Variants in PTPRK observed in about 807,000 individuals in gnomAD.
The protein encoded by PTPRK is receptor-type tyrosine-protein phosphatase kappa.
A neutral mutation model predicts 178.0 loss-of-function variants in PTPRK; 75 were observed. The ratio of observed to expected loss-of-function variants is 0.42; its 90% CI spans 0.35 to 0.51. PTPRK has a LOEUF of 0.51. Among genes scored for constraint, PTPRK ranks in the 20% least tolerant of loss-of-function variants. PTPRK has a pLI of 0.02. For synonymous variants in PTPRK, 637 were observed against 620.6 expected (o/e 1.03, Z -0.39); for missense variants, 1,441 against 1,797.8 (o/e 0.80, Z 3.59).
At chr6:128,193,279 T>TAA (rs1554338433) in intron 6 of PTPRK, among the ~76,000 whole-genome samples, 239 of 19,384 alleles carry the variant, frequency 0.012, 3 homozygotes, top group African/African-American at 0.035. Context: ...ATCCAGCTTG[T>TAA]GAAAAAAAAA....
In PTPRK at chr6:128,023,552, C is replaced by T. The variant is rs546693496; in HGVS notation, c.2195-14284G>A. On this transcript the variant is annotated intron_variant, in intron 13 of 29. Transcript: ENST00000368226. ...ATTTTGGTGTGGTTTCCCAATAAAACTCTGCTGGGAAGTATTCTTTTAAAC... is the reference window on the plus strand; with the variant it reads ...ATTTTGGTGTGGTTTCCCAATAAAATTCTGCTGGGAAGTATTCTTTTAAAC... Among the ~76,000 whole-genome samples the T allele has an allele frequency of 1.2e-4, 19 of 152,298 alleles. No individual in the cohort carries two copies. In the South Asian group the frequency reaches 1.5e-3, roughly 12 times the overall value.
intron 8 of PTPRK, among the ~76,000 whole-genome samples, chr6:128,088,093 C>T (rs1178159643): frequency 6.6e-6 from 1 of 152,096 alleles, no homozygotes; most frequent in African/African-American, 2.4e-5. Flanking sequence ...AAAAATGTAG[C>T]CCCGCTGGGC....
intron 2 of PTPRK, among the ~76,000 whole-genome samples, chr6:128,362,126 G>A (rs919309030): frequency 5.9e-5 from 9 of 152,102 alleles, no homozygotes; most frequent in African/African-American, 1.9e-4. Context: ...AAGCATTACC[G>A]GAAGCATGGT....
chr6:128,320,953 T>C (rs1053713388), intron 3 of PTPRK: 3 of 152,064 alleles, frequency 2.0e-5, no homozygotes, highest in Admixed American at 6.6e-5. Context: ...TCAATAAACA[T>C]ACAACCTTGA....
At chr6:128,083,981 T>C (rs1028399425) in intron 8 of PTPRK, among the ~76,000 whole-genome samples, 157 bp from the exon 9 acceptor site, 11 of 152,152 alleles carry the variant, frequency 7.2e-5, no homozygotes, top group Non-Finnish European at 1.3e-4. Context: ...ACTAGTTCTC[T>C]GATTTTACTT....
intron 7 of PTPRK, among the ~76,000 whole-genome samples, chr6:128,159,808 G>A (rs2114599786): frequency 6.6e-6 from 1 of 151,832 alleles, no homozygotes; most frequent in East Asian, 1.9e-4. Context: ...ATAAATGTAA[G>A]CTATCAATCA....
chr6:128,130,201 C>A (rs533962025), intron 7 of PTPRK, among the ~76,000 whole-genome samples: 4 of 152,236 alleles, frequency 2.6e-5, no homozygotes, highest in South Asian at 2.1e-4. Context: ...TATAATTTTT[C>A]TATCTCACAT....
intron 2 of PTPRK, among the ~76,000 whole-genome samples, chr6:128,377,420 T>C (rs1469613698): frequency 1.3e-5 from 2 of 152,052 alleles, no homozygotes; most frequent in East Asian, 1.9e-4. Context: ...AAAGACCTAC[T>C]CCCTTGATTC....
chr6:128,503,322 T>C (rs1855837377), intron 1 of PTPRK, among the ~76,000 whole-genome samples: 1 of 152,256 alleles, frequency 6.6e-6, no homozygotes, highest in South Asian at 2.1e-4. Flanking sequence ...CAAGTACATT[T>C]TGTGCCCATT....
intron 6 of PTPRK, among the ~76,000 whole-genome samples, chr6:128,206,668 A>G (rs1807031912): frequency 6.6e-6 from 1 of 152,204 alleles, no homozygotes; most frequent in Admixed American, 6.5e-5. Context: ...GTAGCTTCAT[A>G]TAATACCATA....
intron 6 of PTPRK, among the ~76,000 whole-genome samples, chr6:128,199,477 T>C (rs947962935): frequency 2.7e-5 from 4 of 150,908 alleles, no homozygotes; most frequent in Non-Finnish European, 2.9e-5. Context: ...GTAGCACTTC[T>C]GGGGTGCTGG....
At chr6:128,075,444 C>T (rs892608197) in intron 11 of PTPRK, among the ~76,000 whole-genome samples, 2 of 152,006 alleles carry the variant, frequency 1.3e-5, no homozygotes, top group African/African-American at 2.4e-5. Context: ...ATGACCTAGG[C>T]TATCTGCAAT....
At chr6:128,270,968 A>G (rs946098362) in intron 3 of PTPRK, among the ~76,000 whole-genome samples, 1 of 152,070 alleles carries the variant, frequency 6.6e-6, no homozygotes, top group Non-Finnish European at 1.5e-5. Context: ...AAATCTTAAA[A>G]AGCTATGATT....
At chr6:128,287,064 G>T (rs1317435728) in intron 3 of PTPRK, among the ~76,000 whole-genome samples, 1 of 152,052 alleles carries the variant, frequency 6.6e-6, no homozygotes, top group Non-Finnish European at 1.5e-5. Context: ...ATCTCTGGAG[G>T]TGTTTCTTTC....
At chr6:128,219,792 T>A (rs1198619908) in intron 5 of PTPRK, among the ~76,000 whole-genome samples, 3 of 152,202 alleles carry the variant, frequency 2.0e-5, no homozygotes, top group African/African-American at 7.2e-5. Flanking sequence ...CTGTAGTATG[T>A]TTTTCCCCAC....
At chr6:128,009,020 A>G (rs1031646097) in intron 14 of PTPRK, 110 bp downstream of exon 14, 1 of 1,005,450 alleles carries the variant, frequency 9.9e-7, no homozygotes. Flanking sequence ...TTAAAATTAA[A>G]ATTTTCTTCC....
At chr6:128,072,112 T>C (rs1353133467) in intron 11 of PTPRK, among the ~76,000 whole-genome samples, 3 of 152,020 alleles carry the variant, frequency 2.0e-5, no homozygotes, top group African/African-American at 7.2e-5. Flanking sequence ...TCATAATATT[T>C]TTAATCACTC....
chr6:128,211,305 A>T (rs1808117473), intron 6 of PTPRK, among the ~76,000 whole-genome samples: 1 of 152,118 alleles, frequency 6.6e-6, no homozygotes, highest in African/African-American at 2.4e-5. Flanking sequence ...TTTTCTAAAA[A>T]TTAATAATCA....
intron 8 of PTPRK, among the ~76,000 whole-genome samples, chr6:128,087,552 T>A (rs1786113015): frequency 6.6e-6 from 1 of 151,342 alleles, no homozygotes; most frequent in Admixed American, 6.6e-5. Context: ...ATGCATTGAG[T>A]TGTGTGTGTG....
Sources: allele counts gnomAD v4.1 joint callset (sites outside exome capture counted in the v4.1 genomes callset), GRCh38; gene constraint gnomAD v4.1.1; transcripts MANE v1.5; gene names NCBI Gene and HGNC (gene_info 2026-07-23, HGNC 2026-07-21).